GRM7: variants seen among roughly 807,000 people sequenced by gnomAD.
GRM7 encodes the protein glutamate metabotropic receptor 7, also known as metabotropic glutamate receptor 7.
GRM7 carries 35 observed loss-of-function variants against 84.5 expected under a neutral mutation model. The observed-to-expected ratio is 0.41, with a 90% confidence interval of 0.32 to 0.55. The LOEUF is 0.55. Ranked by LOEUF, GRM7 falls within the 20% of genes least tolerant of loss-of-function variation. The pLI is 0.19. For synonymous variants in GRM7, 487 were observed against 455.1 expected, an observed-to-expected ratio of 1.07 and a Z score of -0.89; for missense variants, 1,003 against 1,194.6, an observed-to-expected ratio of 0.84 and a Z score of 2.36.
chr3:7,509,620 G>A (rs1002073392), intron 7 of GRM7, among the ~76,000 whole-genome samples: 3 of 152,186 alleles, frequency 2.0e-5, no homozygotes, highest in African/African-American at 7.2e-5. Context: ...AGGAAGAGGT[G>A]CATTCACCCA....
At chr3:7,628,853 A>G (rs1697739620) in intron 8 of GRM7, among the ~76,000 whole-genome samples, 1 of 152,198 alleles carries the variant, frequency 6.6e-6, no homozygotes, top group Non-Finnish European at 1.5e-5. Flanking sequence ...ATGCAGAGGT[A>G]ACACTGAACA....
chr3:7,203,687 G>C (rs1182747029), intron 2 of GRM7, among the ~76,000 whole-genome samples: 1 of 152,070 alleles, frequency 6.6e-6, no homozygotes. Flanking sequence ...TTCCATAGTG[G>C]TTGCACTAAC....
intron 1 of GRM7, among the ~76,000 whole-genome samples, chr3:7,102,945 C>CT (rs1184405550): frequency 1.3e-5 from 2 of 151,600 alleles, no homozygotes; most frequent in Non-Finnish European, 3.0e-5. Context: ...TTCTCCATCT[C>CT]TTTGCTTATT....
chr3:7,499,874 A>G (rs558673464), intron 7 of GRM7, among the ~76,000 whole-genome samples: 3 of 150,978 alleles, frequency 2.0e-5, no homozygotes, highest in Admixed American at 2.0e-4. Flanking sequence ...TCCCAGATTC[A>G]CACCATTCTC....
chr3:7,107,207 A>G, intron 1 of GRM7, among the ~76,000 whole-genome samples: 1 of 152,026 alleles, frequency 6.6e-6, no homozygotes, highest in South Asian at 2.1e-4. Flanking sequence ...AACAGTGGAG[A>G]GCAAAACAGA....
intron 1 of GRM7, among the ~76,000 whole-genome samples, chr3:6,966,704 G>A (rs915356644): frequency 1.3e-5 from 2 of 152,172 alleles, no homozygotes; most frequent in African/African-American, 4.8e-5. Context: ...AGGTCAAAGA[G>A]GATGGTGGCT....
At chr3:6,885,683 C>T (rs9833520) in intron 1 of GRM7, among the ~76,000 whole-genome samples, 16,202 of 152,238 alleles carry the variant, frequency 0.11, 934 homozygotes, top group Non-Finnish European at 0.12. Context: ...TGAAGACCAA[C>T]CAACTTAAAG....
intron 2 of GRM7, among the ~76,000 whole-genome samples, chr3:7,193,665 CCT>C (rs139151825): frequency 4.0e-5 from 6 of 149,968 alleles, no homozygotes; most frequent in Non-Finnish European, 5.9e-5. Flanking sequence ...ATTTCTCTTT[CCT>C]CTCTCTCTCT....
At chr3:7,022,898 G>T (rs1195421521) in intron 1 of GRM7, among the ~76,000 whole-genome samples, 1 of 152,132 alleles carries the variant, frequency 6.6e-6, no homozygotes, top group Non-Finnish European at 1.5e-5. Flanking sequence ...CATGGAGGAG[G>T]CAGGCAGTAG....
At chr3:7,584,380 T>C (rs1695413322) in intron 8 of GRM7, among the ~76,000 whole-genome samples, 2 of 152,226 alleles carry the variant, frequency 1.3e-5, no homozygotes, top group Non-Finnish European at 2.9e-5. Context: ...GAGGAAATAT[T>C]GACTTATGTG....
chr3:7,310,031 C>T (rs1052941027), intron 4 of GRM7, among the ~76,000 whole-genome samples: 2 of 152,168 alleles, frequency 1.3e-5, no homozygotes, highest in Non-Finnish European at 2.9e-5. Context: ...CTGCAGCCTC[C>T]AAGGAATCTG....
chr3:7,400,374 T>C (rs758718508), intron 4 of GRM7, among the ~76,000 whole-genome samples: 1 of 152,168 alleles, frequency 6.6e-6, no homozygotes, highest in Non-Finnish European at 1.5e-5. Context: ...CAGTATGCAT[T>C]CTAAGAACCA....
chr3:7,080,756 TTA>T (rs1698250537), intron 1 of GRM7, among the ~76,000 whole-genome samples: 1 of 152,136 alleles, frequency 6.6e-6, no homozygotes, highest in African/African-American at 2.4e-5. Flanking sequence ...ATTGCCATAC[TTA>T]TATGACATAC....
chr3:7,692,593 A>C (rs918505424), intron 9 of GRM7, among the ~76,000 whole-genome samples: 1 of 152,172 alleles, frequency 6.6e-6, no homozygotes, highest in Non-Finnish European at 1.5e-5. Context: ...TAATATTAGA[A>C]ATTTTCACCA....
chr3:7,414,143 A>G lies in GRM7; in HGVS notation c.1034-880A>G, dbSNP rs1696060184. Among the ~76,000 whole-genome samples the G allele has an allele frequency of 2.0e-5, 3 of 152,170 alleles. No individual in the cohort carries two copies. In the South Asian group the frequency reaches 6.2e-4, roughly 31 times the overall value. On this transcript the variant is annotated intron_variant, in intron 4 of 9. Transcript: ENST00000357716. ...TAATTGTAATGATTATTCCATTTTT[A>G]TGGCCTTACAGGTAAGGGAAAACTT...
intron 4 of GRM7, among the ~76,000 whole-genome samples, chr3:7,319,927 A>G (rs1700714232): frequency 6.6e-6 from 1 of 152,040 alleles, no homozygotes; most frequent in Non-Finnish European, 1.5e-5. Context: ...TGTATTCACC[A>G]AGGTAACCAC....
At chr3:6,890,061 G>C (rs1695870553) in intron 1 of GRM7, among the ~76,000 whole-genome samples, 1 of 152,136 alleles carries the variant, frequency 6.6e-6, no homozygotes, top group Admixed American at 6.5e-5. Flanking sequence ...TTGTATTTCT[G>C]TGGGATCAGT....
At chr3:7,617,198 G>T (rs932792253) in intron 8 of GRM7, among the ~76,000 whole-genome samples, 11 of 151,966 alleles carry the variant, frequency 7.2e-5, no homozygotes, top group Non-Finnish European at 2.9e-5. Flanking sequence ...CAAGCTTAAC[G>T]TTCCAATAAT....
At chr3:7,612,410 T>C (rs1321161322) in intron 8 of GRM7, among the ~76,000 whole-genome samples, 1 of 152,182 alleles carries the variant, frequency 6.6e-6, no homozygotes, top group Non-Finnish European at 1.5e-5. Context: ...AAGTCAAAGA[T>C]GAGTCCCTGC....
Sources: gnomAD v4.1 joint callset for allele counts (sites outside exome capture counted in the v4.1 genomes callset) on GRCh38, gnomAD v4.1.1 for gene constraint, MANE v1.5 for transcripts, NCBI Gene and HGNC (gene_info 2026-07-23, HGNC 2026-07-21) for gene names.